The following DNAJC11 variants were observed in gnomAD, a reference collection of about 807,000 sequenced individuals.
The protein encoded by DNAJC11 is dnaJ homolog subfamily C member 11.
A neutral mutation model predicts 78.6 loss-of-function variants in DNAJC11; 15 were observed. The observed-to-expected ratio is 0.19, with a 90% CI of 0.13 to 0.29. The LOEUF (loss-of-function observed/expected upper bound fraction) is 0.29, where lower values mean the gene tolerates loss of function less well. DNAJC11 is among the 10% of genes least tolerant of loss of function. DNAJC11 has a pLI of 1.00. For missense variants in DNAJC11, 547 were observed against 709.6 expected, an observed-to-expected ratio of 0.77 and a Z score of 2.60; for synonymous variants, 292 against 272.1, an observed-to-expected ratio of 1.07 and a Z score of -0.72.
chr1:6,693,503 C>A (rs1642783886), intron 1 of DNAJC11, among the ~76,000 whole-genome samples: 2 of 152,046 alleles, frequency 1.3e-5, no homozygotes, highest in South Asian at 4.1e-4. Context: ...CTTGCCTCAG[C>A]CTCCCGAGTA....
Position 6,668,040 on chromosome 1 carries a change from A to C in DNAJC11, c.277-230T>G, listed in dbSNP as rs556086542. On this transcript the variant is annotated intron_variant, in intron 3 of 15. Coordinates refer to ENST00000377577, the MANE Select transcript of DNAJC11 (RefSeq NM_018198.4). ...CTTCCCAAGGTTGAAATGAGTTTTC[A>C]CTCAGCTCTCCAGAGTGACTTAAAC... 19 of 521,156 alleles carry C rather than the reference A, an allele frequency of 3.6e-5. No homozygotes were observed. In the South Asian group the frequency reaches 5.6e-4, roughly 15 times the overall value. 32.3% of individuals were successfully genotyped at this position (521,156 alleles called of 1,614,324 possible). A position where few individuals can be genotyped will look rare whatever the true frequency, so the allele number is the denominator to read the frequency against.
chr1:6,676,769 A>G (rs1462727165), intron 3 of DNAJC11, among the ~76,000 whole-genome samples: 1 of 152,184 alleles, frequency 6.6e-6, no homozygotes, highest in African/African-American at 2.4e-5. Flanking sequence ...GAAAGGCAGG[A>G]AAGGAAATAG....
At chr1:6,672,980 G>A (rs1463452707) in intron 3 of DNAJC11, among the ~76,000 whole-genome samples, 1 of 152,034 alleles carries the variant, frequency 6.6e-6, no homozygotes, top group African/African-American at 2.4e-5. Flanking sequence ...GGGCTCACCT[G>A]AGGTCAGGTG....
At chr1:6,648,619 G>A (rs2148731679) in intron 7 of DNAJC11, among the ~76,000 whole-genome samples, 1 of 152,168 alleles carries the variant, frequency 6.6e-6, no homozygotes, top group South Asian at 2.1e-4. Flanking sequence ...ACCACACCTG[G>A]TTAATTTTTA....
chr1:6,684,224 G>A (rs1642599789), intron 1 of DNAJC11, among the ~76,000 whole-genome samples: 1 of 152,078 alleles, frequency 6.6e-6, no homozygotes, highest in East Asian at 1.9e-4. Flanking sequence ...GGGACTACAG[G>A]CGCACGCCAC....
chr1:6,637,648 CT>C lies in DNAJC11; in HGVS notation c.1324-145del, dbSNP rs1418119297. ...GAAGGGAGTGGGCACCCTGACAGCT[CT>C]GCTACCCGAGTGGCTCACTCTGAAA... On this transcript the variant is annotated intron_variant, in intron 12 of 15. Transcript: ENST00000377577. 3.4e-6 allele frequency: 3 copies of C among 871,252 alleles called. No homozygotes were observed. The African/African-American group carries it at 5.0e-5, about 14-fold the overall frequency. 54.0% of individuals were successfully genotyped at this position (871,252 alleles called of 1,614,324 possible).
chr1:6,658,796 G>C (rs1430310391), intron 4 of DNAJC11, among the ~76,000 whole-genome samples: 2 of 152,122 alleles, frequency 1.3e-5, no homozygotes, highest in African/African-American at 4.8e-5. Flanking sequence ...CCCTTGGGAG[G>C]AACCAACATA....
intron 7 of DNAJC11, among the ~76,000 whole-genome samples, chr1:6,649,866 C>G (rs1642027127): frequency 6.6e-6 from 1 of 151,988 alleles, no homozygotes; most frequent in Non-Finnish European, 1.5e-5. Context: ...CGCCACCATG[C>G]CTGGTTAATT....
At chr1:6,677,729 C>G (rs1642491491) in intron 3 of DNAJC11, among the ~76,000 whole-genome samples, 1 of 152,246 alleles carries the variant, frequency 6.6e-6, no homozygotes, top group Non-Finnish European at 1.5e-5. Flanking sequence ...CAAGACTCTA[C>G]TGCTAGTCAG....
At chr1:6,639,517 A>G (rs577785970) in intron 11 of DNAJC11, among the ~76,000 whole-genome samples, 2 of 152,014 alleles carry the variant, frequency 1.3e-5, no homozygotes, top group African/African-American at 4.8e-5. Context: ...TTTTTAGTAG[A>G]GACAGGGTTT....
At chr1:6,638,677 G>A (rs542971645) in intron 11 of DNAJC11, among the ~76,000 whole-genome samples, 3 of 152,278 alleles carry the variant, frequency 2.0e-5, no homozygotes, top group Non-Finnish European at 4.4e-5. Context: ...AACCTTGTGG[G>A]ATTATTATTT....
At position 6,635,781 on chromosome 1, in the gene DNAJC11, CCCGGACCAGCAGCTGG is replaced by C. The variant is rs1414409246; in HGVS notation, c.1655-97_1655-82del. On this transcript the variant is annotated intron_variant, in intron 15 of 15. Coordinates refer to ENST00000377577, the MANE Select transcript of DNAJC11 (RefSeq NM_018198.4). ...TTCTACTGATGGGGCTCAGCAGTCA[CCCGGACCAGCAGCTGG>C]CTGGGCCCAGGCGAGGCAGAGCACC... 5.2e-6 allele frequency: 8 copies of C among 1,531,302 alleles called. No homozygotes were observed. The Admixed American group carries it at 1.5e-4, about 28-fold the overall frequency. 94.9% of individuals were successfully genotyped at this position (1,531,302 alleles called of 1,614,324 possible).
chr1:6,670,551 A>G (rs1347282432), intron 3 of DNAJC11: 2 of 152,242 alleles, frequency 1.3e-5, no homozygotes, highest in African/African-American at 4.8e-5. Context: ...TACTTTAAAC[A>G]TTAAAAATAT....
intron 1 of DNAJC11, among the ~76,000 whole-genome samples, chr1:6,689,093 T>C (rs1041645449): frequency 6.6e-6 from 1 of 152,062 alleles, no homozygotes; most frequent in Admixed American, 6.5e-5. Flanking sequence ...ACCCAAGAAA[T>C]AAGAGGAAGT....
At chr1:6,693,149 G>A (rs1022885390) in intron 1 of DNAJC11, among the ~76,000 whole-genome samples, 3 of 152,002 alleles carry the variant, frequency 2.0e-5, no homozygotes, top group African/African-American at 7.2e-5. Flanking sequence ...CTGACCTCAG[G>A]TGATCTGCCC....
At chr1:6,647,422 C>T (rs1458029609) in intron 7 of DNAJC11, among the ~76,000 whole-genome samples, 2 of 152,066 alleles carry the variant, frequency 1.3e-5, no homozygotes, top group African/African-American at 4.8e-5. Flanking sequence ...CTTATTCGGC[C>T]GTAACTCCAT....
rs966111850 is a variant in DNAJC11, at chr1:6,645,538, C to T, written c.894+251G>A. Among the ~76,000 whole-genome samples the T allele has an allele frequency of 1.3e-5, 2 of 152,186 alleles. No individual in the cohort carries two copies. The highest frequency in any genetic ancestry group is 4.8e-5 in the African/African-American group (2 of 41,460). ...AATTCCGTGGGTGGCTCCCACCAGA[C>T]ATTAAGATGTTGTTCTGCTTTAAGA... On this transcript the variant is annotated intron_variant, in intron 8 of 15. Transcript: ENST00000377577. This position sits in a 1 kb window ranked among gnomAD's most constrained non-coding sequence, Gnocchi z 4.1.
At chr1:6,674,984 A>T (rs1642438690) in intron 3 of DNAJC11, among the ~76,000 whole-genome samples, 1 of 152,212 alleles carries the variant, frequency 6.6e-6, no homozygotes, top group African/African-American at 2.4e-5. Flanking sequence ...ACAGTCTAAA[A>T]ATACCAGCAA....
intron 1 of DNAJC11, among the ~76,000 whole-genome samples, chr1:6,688,563 T>G: frequency 6.6e-6 from 1 of 151,964 alleles, no homozygotes; most frequent in East Asian, 1.9e-4. Flanking sequence ...CCAAAAAAAC[T>G]CCATGCAAAC....
Sources: gnomAD v4.1 joint callset for allele counts (sites outside exome capture counted in the v4.1 genomes callset) on GRCh38, gnomAD v4.1.1 for gene constraint, Gnocchi (gnomAD v3.1) non-coding constraint, MANE v1.5 for transcripts, NCBI Gene and HGNC (gene_info 2026-07-23, HGNC 2026-07-21) for gene names.